C3orf70: variants seen among roughly 807,000 people sequenced by gnomAD.
The protein encoded by C3orf70 is chromosome 3 open reading frame 70.
Under a neutral mutation model 20.7 loss-of-function variants are expected in C3orf70, and 15 were observed. The ratio of observed to expected loss-of-function variants is 0.72; its 90% CI spans 0.48 to 1.11. The LOEUF (loss-of-function observed/expected upper bound fraction) is 1.11. Among genes scored for constraint, C3orf70 ranks in the 50% most tolerant of loss-of-function variants. The probability of loss-of-function intolerance (pLI) is 0.00; values close to 1 mark genes in which losing one functional copy is unlikely to be tolerated. For missense variants in C3orf70, 332 were observed against 317.6 expected (o/e 1.05, Z -0.34); for synonymous variants, 161 against 125.7 (o/e 1.28, Z -1.88).
chr3:185,088,189 G>T (rs978895549), intron 1 of C3orf70, among the ~76,000 whole-genome samples: 1 of 152,156 alleles, frequency 6.6e-6, no homozygotes, highest in Non-Finnish European at 1.5e-5. Context: ...GGGATTACAG[G>T]TGTGAGCCAC....
intron 1 of C3orf70, among the ~76,000 whole-genome samples, chr3:185,123,000 AAAAAG>A (rs1716333874): frequency 6.6e-6 from 1 of 151,592 alleles, no homozygotes; most frequent in African/African-American, 2.4e-5. Flanking sequence ...TACTAAAAAA[AAAAAG>A]AAAAAGAAAA....
At chr3:185,117,453 A>AG (rs1491233908) in intron 1 of C3orf70, among the ~76,000 whole-genome samples, 537 of 77,362 alleles carry the variant, frequency 6.9e-3, no homozygotes, top group African/African-American at 0.013. Flanking sequence ...ACACACACAG[A>AG]AAGAGAGAGA....
chr3:185,123,536 C>T (rs975342139), intron 1 of C3orf70, among the ~76,000 whole-genome samples: 2 of 149,304 alleles, frequency 1.3e-5, no homozygotes, highest in Non-Finnish European at 3.0e-5. Flanking sequence ...GATGAGGTCT[C>T]ACTACGTTGT....
chr3:185,109,266 T>C (rs1476233480), intron 1 of C3orf70, among the ~76,000 whole-genome samples: 3 of 152,112 alleles, frequency 2.0e-5, no homozygotes, highest in African/African-American at 7.2e-5. Context: ...AGCAAAACAA[T>C]TGGTTTGGTG....
chr3:185,103,594 C>T (rs1031748008), intron 1 of C3orf70, among the ~76,000 whole-genome samples: 5 of 152,060 alleles, frequency 3.3e-5, no homozygotes, highest in Non-Finnish European at 5.9e-5. Context: ...TGAAAAAAAG[C>T]TCAACATCAC....
intron 1 of C3orf70, among the ~76,000 whole-genome samples, chr3:185,104,945 C>T (rs1014917623): frequency 4.6e-5 from 7 of 152,166 alleles, no homozygotes; most frequent in Non-Finnish European, 7.4e-5. Context: ...AACAAACCTG[C>T]ACACATACCC....
intron 1 of C3orf70, among the ~76,000 whole-genome samples, chr3:185,093,655 A>C (rs959731467): frequency 6.6e-6 from 1 of 152,182 alleles, no homozygotes; most frequent in Non-Finnish European, 1.5e-5. Flanking sequence ...TAGAAGTTAG[A>C]GAAAAGTGAG....
At chr3:185,138,200 T>C (rs1716666024) in intron 1 of C3orf70, among the ~76,000 whole-genome samples, 1 of 152,180 alleles carries the variant, frequency 6.6e-6, no homozygotes, top group South Asian at 2.1e-4. Flanking sequence ...CATTCCTTGA[T>C]AATAATTTGA....
chr3:185,100,666 C>G (rs1382137062), intron 1 of C3orf70, among the ~76,000 whole-genome samples: 1 of 151,732 alleles, frequency 6.6e-6, no homozygotes, highest in Non-Finnish European at 1.5e-5. Context: ...CCAAAGCTAG[C>G]AGAAGACAAG....
chr3:185,112,576 T>C (rs977918205), intron 1 of C3orf70, among the ~76,000 whole-genome samples: 5 of 152,256 alleles, frequency 3.3e-5, no homozygotes, highest in East Asian at 1.9e-4. Flanking sequence ...ATTACACTTA[T>C]GCTGTTTGCA....
chr3:185,149,875 C>T (rs755561572), intron 1 of C3orf70, among the ~76,000 whole-genome samples: 17 of 152,266 alleles, frequency 1.1e-4, no homozygotes, highest in Non-Finnish European at 2.4e-4. Flanking sequence ...CAACTGCCAA[C>T]GACAGTCCAG....
intron 1 of C3orf70, among the ~76,000 whole-genome samples, chr3:185,127,762 G>A (rs1243028362): frequency 2.0e-5 from 3 of 151,858 alleles, no homozygotes; most frequent in African/African-American, 4.8e-5. Context: ...TTTAATGTCC[G>A]AGTAAACCGA....
rs950653770 is a variant in C3orf70, at chr3:185,079,715, C to T, written c.*3292G>A. Reference sequence around the variant, plus strand: ...CCTAATAGCTTTTATACCAACTTTCCAAAAGTAGGAGTGGTACCAGGTTTC... The same window carrying T: ...CCTAATAGCTTTTATACCAACTTTCTAAAAGTAGGAGTGGTACCAGGTTTC... On this transcript the variant is annotated 3_prime_UTR_variant, in exon 2 of 2. Transcript: ENST00000335012. 2.0e-5 allele frequency: 3 copies of T among 152,328 alleles called. No individual in the cohort carries two copies. Among genetic ancestry groups the T allele is most frequent in the Non-Finnish European group, 4.4e-5 (3 of 68,020 alleles). 9.4% of individuals were successfully genotyped at this position (152,328 alleles called of 1,614,324 possible).
chr3:185,112,685 C>T (rs888271858), intron 1 of C3orf70, among the ~76,000 whole-genome samples: 5 of 152,068 alleles, frequency 3.3e-5, no homozygotes, highest in Admixed American at 2.0e-4. Flanking sequence ...ACTTCATGTA[C>T]CCACCATCTA....
intron 1 of C3orf70, among the ~76,000 whole-genome samples, chr3:185,130,097 G>C (rs1287159209): frequency 6.6e-6 from 1 of 152,058 alleles, no homozygotes; most frequent in Non-Finnish European, 1.5e-5. Context: ...ATTATTCCAT[G>C]TTTTGTCAAT....
intron 1 of C3orf70, among the ~76,000 whole-genome samples, chr3:185,135,705 C>G (rs924153046): frequency 2.0e-5 from 3 of 152,026 alleles, no homozygotes; most frequent in Admixed American, 2.0e-4. Context: ...ACCCAAAATG[C>G]CCTAACTTGA....
Position 185,081,168 on chromosome 3 carries a change from A to T in C3orf70, c.*1839T>A, listed in dbSNP as rs1221492285. 6.6e-6 allele frequency: 1 copy of T among 152,154 alleles called. No homozygotes were observed. The highest frequency in any genetic ancestry group is 1.5e-5 in the Non-Finnish European group (1 of 68,054). The allele number at this position is 152,154 out of a possible 1,614,324, so 9.4% of individuals were successfully genotyped here. A position where few individuals can be genotyped will look rare whatever the true frequency, so the allele number is the denominator to read the frequency against. ...CGTGGTGGCTCATGCTTGTAATCCC[A>T]GCACTTGGGGAGGCCGAGGTGGGTG... On this transcript the variant is annotated 3_prime_UTR_variant, in exon 2 of 2. Coordinates refer to ENST00000335012, the MANE Select transcript of C3orf70 (RefSeq NM_001025266.3).
intron 1 of C3orf70, among the ~76,000 whole-genome samples, chr3:185,105,896 C>A (rs1715926502): frequency 6.6e-6 from 1 of 152,106 alleles, no homozygotes; most frequent in African/African-American, 2.4e-5. Context: ...TTTGTTCCAC[C>A]TTGGAACTTT....
In C3orf70 at chr3:185,153,021, G is replaced by C. The variant is rs1258905613; in HGVS notation, c.-198C>G. 1 of 224,768 alleles carries C rather than the reference G, an allele frequency of 4.4e-6. No homozygotes were observed. The highest frequency in any genetic ancestry group is 8.3e-6 in the Non-Finnish European group (1 of 121,078). The allele number at this position is 224,768 out of a possible 1,614,324, so 13.9% of individuals were successfully genotyped here. ...CGGGCGCTGCGACCGGGTCCGGGCTGGCAGCCTCCCTCCCTCCGGCGCGGC... is the reference window on the plus strand; with the variant it reads ...CGGGCGCTGCGACCGGGTCCGGGCTCGCAGCCTCCCTCCCTCCGGCGCGGC... On this transcript the variant is annotated 5_prime_UTR_variant, in exon 1 of 2. Transcript: ENST00000335012. This position sits in a 1 kb window ranked among gnomAD's most constrained non-coding sequence, Gnocchi z 6.8.
Sources: allele counts gnomAD v4.1 joint callset (sites outside exome capture counted in the v4.1 genomes callset), GRCh38; gene constraint gnomAD v4.1.1; non-coding constraint Gnocchi (gnomAD v3.1); transcripts MANE v1.5; gene names NCBI Gene and HGNC (gene_info 2026-07-23, HGNC 2026-07-21).